The following BRINP2 variants were observed in gnomAD, a reference collection of about 807,000 sequenced individuals.
The protein encoded by BRINP2 is BMP/retinoic acid-inducible neural-specific protein 2.
Under a neutral mutation model 69.2 loss-of-function variants are expected in BRINP2, and 21 were observed. That is an observed-to-expected ratio of 0.30 (90% CI 0.22 to 0.44). The LOEUF is 0.44. Among genes scored for constraint, BRINP2 ranks in the 20% least tolerant of loss-of-function variants. BRINP2 has a pLI of 1.00. For missense variants in BRINP2, 877 were observed against 986.0 expected (o/e 0.89, Z 1.48); for synonymous variants, 380 against 394.1 (o/e 0.96, Z 0.42).
chr1:177,208,190 T>A lies in BRINP2; in HGVS notation c.-76-21611T>A, dbSNP rs995228709. 2.6e-5 allele frequency among the ~76,000 whole-genome samples: 4 copies of A among 152,336 alleles called. No homozygotes were observed. The South Asian group carries it at 8.3e-4, about 32-fold the overall frequency. On this transcript the variant is annotated intron_variant, in intron 1 of 7. Transcript: ENST00000361539. Reference sequence around the variant, plus strand: ...TGTATGAAAAGCAGTAAGAGCAATGTCTGACACCCAGTCATCGCTCAGTAA... The same window carrying A: ...TGTATGAAAAGCAGTAAGAGCAATGACTGACACCCAGTCATCGCTCAGTAA...
rs867794505 is a variant in BRINP2, at chr1:177,276,262, C to T, written c.840C>T (p.Ile280=). The T allele has an allele frequency of 6.2e-7, 1 of 1,614,194 alleles. No individual in the cohort carries two copies. Among genetic ancestry groups the T allele is most frequent in the Non-Finnish European group, 8.5e-7 (1 of 1,180,038 alleles). The change falls in exon 6 of 8, where the codon ATC becomes ATT. Residue 280 remains isoleucine, a synonymous_variant. Transcript: ENST00000361539. ...TTGTAGCTGCAGCACTCAGCTACAT[C>T]ACATGCAGCTCTGAGGGTGAGCTCG... The part of the protein sequence containing the change: ...ERFVAAALSY[I]TCSSEGELVC...
At chr1:177,176,556 T>A (rs1188924536) in intron 1 of BRINP2, among the ~76,000 whole-genome samples, 1 of 148,480 alleles carries the variant, frequency 6.7e-6, no homozygotes, top group Non-Finnish European at 1.5e-5. Context: ...ATTATTATTT[T>A]TGGATAGTGT....
chr1:177,212,910 C>T (rs1315884325), intron 1 of BRINP2, among the ~76,000 whole-genome samples: 1 of 152,196 alleles, frequency 6.6e-6, no homozygotes, highest in African/African-American at 2.4e-5. Context: ...GTGAGCGCCA[C>T]TGGGCACTAC....
chr1:177,181,541 G>C (rs1005652050), intron 1 of BRINP2, among the ~76,000 whole-genome samples: 32 of 152,228 alleles, frequency 2.1e-4, no homozygotes, highest in African/African-American at 7.5e-4. Context: ...TTTACTGGAA[G>C]AGTGTGAGGT....
Position 177,171,185 on chromosome 1 carries a change from C to T in BRINP2, c.-624C>T, listed in dbSNP as rs960688164. On this transcript the variant is annotated 5_prime_UTR_variant, in exon 1 of 8. Transcript: ENST00000361539. ...GCAGGCAGCCGAGGGAGCGGTGAAG[C>T]CGGAAGACCTGTCTCTGCCCATGTG... Among the ~76,000 whole-genome samples the T allele has an allele frequency of 6.6e-6, 1 of 152,208 alleles. No individual in the cohort carries two copies. The highest frequency in any genetic ancestry group is 1.5e-5 in the Non-Finnish European group (1 of 68,046).
At chr1:177,259,410 A>T (rs977708705) in intron 4 of BRINP2, among the ~76,000 whole-genome samples, 1 of 152,194 alleles carries the variant, frequency 6.6e-6, no homozygotes, top group African/African-American at 2.4e-5. Context: ...ATGAAGCAGT[A>T]ACTGCTGATT....
chr1:177,217,496 C>G (rs1340996250), intron 1 of BRINP2, among the ~76,000 whole-genome samples: 1 of 151,858 alleles, frequency 6.6e-6, no homozygotes, highest in East Asian at 1.9e-4. Flanking sequence ...GTCCTTTTAT[C>G]GATATCTTTG....
chr1:177,210,370 C>T (rs1263733279), intron 1 of BRINP2, among the ~76,000 whole-genome samples: 1 of 152,020 alleles, frequency 6.6e-6, no homozygotes, highest in African/African-American at 2.4e-5. Flanking sequence ...CTTCACTTGT[C>T]TAGAACCATG....
intron 1 of BRINP2, among the ~76,000 whole-genome samples, chr1:177,215,161 C>T (rs1183488859): frequency 6.6e-6 from 1 of 152,128 alleles, no homozygotes; most frequent in Non-Finnish European, 1.5e-5. Flanking sequence ...CAGTATTTGT[C>T]TTTCTGTATT....
intron 4 of BRINP2, among the ~76,000 whole-genome samples, chr1:177,266,522 G>A (rs1033608857): frequency 3.3e-5 from 5 of 152,042 alleles, no homozygotes; most frequent in African/African-American, 4.8e-5. Context: ...CACTTTGGGA[G>A]GCCGAGGAGG....
chr1:177,181,269 C>T (rs1024077886), intron 1 of BRINP2, among the ~76,000 whole-genome samples: 2 of 152,050 alleles, frequency 1.3e-5, no homozygotes, highest in African/African-American at 4.8e-5. Flanking sequence ...CGTGCTTTTT[C>T]CCAATACTCC....
chr1:177,233,521 T>C (rs1466241052), intron 2 of BRINP2, among the ~76,000 whole-genome samples: 3 of 152,220 alleles, frequency 2.0e-5, no homozygotes, highest in Non-Finnish European at 2.9e-5. Flanking sequence ...ATAAGAATCA[T>C]AGGTGTTTTT....
chr1:177,256,986 C>G, intron 3 of BRINP2, 190 bp from the exon 4 acceptor site: 2 of 1,484,956 alleles, frequency 1.3e-6, no homozygotes, highest in Non-Finnish European at 1.8e-6. Context: ...TTTCAGGCAG[C>G]GAGGCCGCTG....
At chr1:177,235,293 A>G (rs1198389155) in intron 2 of BRINP2, among the ~76,000 whole-genome samples, 3 of 152,198 alleles carry the variant, frequency 2.0e-5, no homozygotes, top group Non-Finnish European at 4.4e-5. Context: ...GGGAGCAAAA[A>G]TGAAGAGGGT....
At chr1:177,240,745 T>C (rs932978878) in intron 2 of BRINP2, among the ~76,000 whole-genome samples, 1 of 152,184 alleles carries the variant, frequency 6.6e-6, no homozygotes, top group Non-Finnish European at 1.5e-5. Context: ...CAGGGCTTAT[T>C]AGCCTGGGAC....
chr1:177,184,645 CTT>C (rs61361222), intron 1 of BRINP2, among the ~76,000 whole-genome samples: 20,233 of 145,210 alleles, frequency 0.14, 2,552 homozygotes, highest in African/African-American at 0.33. Context: ...GAGCCTGAGT[CTT>C]TTTTTTTTTT....
chr1:177,172,431 G>C (rs984780347), intron 1 of BRINP2, among the ~76,000 whole-genome samples: 1 of 152,118 alleles, frequency 6.6e-6, no homozygotes, highest in African/African-American at 2.4e-5. Flanking sequence ...GTACACTGTC[G>C]AATGCTGCCT....
Position 177,253,017 on chromosome 1 carries a change from A to T in BRINP2, c.270-2902A>T, listed in dbSNP as rs1472546844. Among the ~76,000 whole-genome samples, 3 of 152,268 alleles carry T rather than the reference A, an allele frequency of 2.0e-5. No individual in the cohort carries two copies. In the East Asian group the frequency reaches 5.8e-4, roughly 29 times the overall value. On this transcript the variant is annotated intron_variant, in intron 2 of 7. Coordinates refer to ENST00000361539, the MANE Select transcript of BRINP2 (RefSeq NM_021165.4). ...GGTGCTGCAATAAACATGAGGGTGC[A>T]GATATCTCTTTGATATACTAATTTC...
At chr1:177,193,798 C>T (rs570457512) in intron 1 of BRINP2, among the ~76,000 whole-genome samples, 1 of 152,216 alleles carries the variant, frequency 6.6e-6, no homozygotes, top group Admixed American at 6.5e-5. Flanking sequence ...GCTTATTTTT[C>T]CCATCACATG....
Sources: gnomAD v4.1 joint callset for allele counts (sites outside exome capture counted in the v4.1 genomes callset) on GRCh38, gnomAD v4.1.1 for gene constraint, MANE v1.5 for transcripts, NCBI Gene and HGNC (gene_info 2026-07-23, HGNC 2026-07-21) for gene names.